Variants in CERCAM observed in about 807,000 individuals in gnomAD.
The protein encoded by CERCAM is inactive glycosyltransferase 25 family member 3.
A neutral mutation model predicts 66.0 loss-of-function variants in CERCAM; 59 were observed. The ratio of observed to expected loss-of-function variants is 0.89; its 90% CI spans 0.73 to 1.11. CERCAM has a LOEUF of 1.11. Ranked by LOEUF, CERCAM falls within the 50% of genes most tolerant of loss-of-function variation. The pLI is 0.00. For missense variants in CERCAM, 840 were observed against 828.3 expected, an observed-to-expected ratio of 1.01 and a Z score of -0.17; for synonymous variants, 318 against 343.6, an observed-to-expected ratio of 0.93 and a Z score of 0.83.
At chr9:128,436,140 C>T (rs1392346711) in intron 12 of CERCAM, among the ~76,000 whole-genome samples, 1 of 152,232 alleles carries the variant, frequency 6.6e-6, no homozygotes, top group Admixed American at 6.5e-5. Flanking sequence ...ACTGCAACCT[C>T]TGCCTCTCGG....
Position 128,434,321 on chromosome 9 carries a change from G to C in CERCAM, c.1332-89G>C. On this transcript the variant is annotated intron_variant, in intron 10 of 12. Transcript: ENST00000372838. The surrounding 1 kb of genome is among the most constrained non-coding windows in gnomAD (Gnocchi z 4.5). ...TGGGACCCTGGCCGGCCCATCCCCT[G>C]AGAGCCTGGCCCTGTAGGAGCGGGT... 1 of 1,602,854 alleles carries C rather than the reference G, an allele frequency of 6.2e-7. No homozygotes were observed. The highest frequency in any genetic ancestry group is 8.5e-7 in the Non-Finnish European group (1 of 1,172,788).
chr9:128,423,294 GAA>G, intron 3 of CERCAM, 31 bp downstream of exon 3: 1 of 1,564,274 alleles, frequency 6.4e-7, no homozygotes, highest in East Asian at 2.2e-5. Flanking sequence ...TCGGGCTTCT[GAA>G]AGGCGGTAGT....
rs763419441 is a variant in CERCAM, at chr9:128,428,981, G to C, written c.1015G>C (p.Ala339Pro). The C allele has an allele frequency of 3.1e-6, 5 of 1,611,156 alleles. No homozygotes were observed. The highest frequency in any genetic ancestry group is 2.5e-6 in the Non-Finnish European group (3 of 1,179,212). ...GCCTGACCGTCGGGAACGCATGCTCGCCTCGCTCTGGGAGATGGAGATCTC... is the reference window on the plus strand; with the variant it reads ...GCCTGACCGTCGGGAACGCATGCTCCCCTCGCTCTGGGAGATGGAGATCTC... ...RRPDRRERML[A>P]SLWEMEISGR... The change falls in exon 8 of 13, where the codon GCC (alanine) becomes CCC (proline). Residue 339 changes from alanine (A) to proline (P), a missense_variant. Transcript: ENST00000372838.
chr9:128,432,885 C>T (rs957137410), intron 9 of CERCAM, among the ~76,000 whole-genome samples: 5 of 151,712 alleles, frequency 3.3e-5, no homozygotes, highest in African/African-American at 1.2e-4. Flanking sequence ...CGGTGGCTCA[C>T]GCCTGTAATC....
At position 128,421,020 on chromosome 9, in the gene CERCAM, A is replaced by G; in HGVS notation, c.143A>G (p.His48Arg). The change falls in exon 1 of 13, where the codon CAC becomes CGC. Residue 48 changes from histidine (H) to arginine (R), a missense_variant. By Grantham distance (29) the His-to-Arg change is conservative. Transcript: ENST00000372838. ...CGCAATGCCGAACACTCGCTGCCCC[A>G]CTACCTGGGCGCTCTGGAGCGGCTG... ...LARNAEHSLP[H>R]YLGALERLDY... 6.9e-7 allele frequency: 1 copy of G among 1,444,864 alleles called. No individual in the cohort carries two copies. Among genetic ancestry groups the G allele is most frequent in the Non-Finnish European group, 9.1e-7 (1 of 1,097,492 alleles). The allele number at this position is 1,444,864 out of a possible 1,614,324, so 89.5% of individuals were successfully genotyped here.
At chr9:128,429,276 G>A (rs981749815) in intron 8 of CERCAM, among the ~76,000 whole-genome samples, 40 of 152,128 alleles carry the variant, frequency 2.6e-4, no homozygotes, top group South Asian at 2.1e-4. Context: ...CAGGGCCTGG[G>A]TTCCAGCTCT....
At chr9:128,425,583 C>G (rs1051890208) in intron 5 of CERCAM, among the ~76,000 whole-genome samples, 5 of 151,064 alleles carry the variant, frequency 3.3e-5, no homozygotes, top group African/African-American at 1.2e-4. Context: ...GTGATCTTGG[C>G]TCACTGCAAC....
At position 128,428,826 on chromosome 9, in the gene CERCAM, T is replaced by C. The variant is rs767841465; in HGVS notation, c.956T>C (p.Phe319Ser). The part of the protein sequence containing the change: ...RPSKRPSKIG[F>S]DEVFVISLAR... ...TCTAAGAGGCCCAGCAAGATAGGGT[T>C]TGACGAGGTAAGTCCCCCAGCCTGT... Residue 319 changes from phenylalanine to serine, a missense_variant, in exon 7 of 13, where the codon TTT becomes TCT. Transcript: ENST00000372838. The C allele has an allele frequency of 9.3e-6, 15 of 1,613,862 alleles. No homozygotes were observed. The highest frequency in any genetic ancestry group is 1.3e-5 in the Non-Finnish European group (15 of 1,179,980).
In CERCAM at chr9:128,434,547, C is replaced by G. The variant is rs1178873787; in HGVS notation, c.1469C>G (p.Ser490Ter). ...GCGGGTGCCCGCAAGCTGCTGGCCTCACAGCCTCTGCGCCGCATGCTGCCC... is the reference window on the plus strand; with the variant it reads ...GCGGGTGCCCGCAAGCTGCTGGCCTGACAGCCTCTGCGCCGCATGCTGCCC... Reference protein sequence around the residue: ...RLAGARKLLASQPLRRMLPVD... With the variant: ...RLAGARKLLA Residue 490 changes from serine to a stop codon, truncating the protein, a stop_gained, in exon 11 of 13, where the codon TCA becomes TGA. Coordinates refer to ENST00000372838, the MANE Select transcript of CERCAM (RefSeq NM_016174.5). LOFTEE classifies it high-confidence loss of function. The surrounding 1 kb of genome is among the most constrained non-coding windows in gnomAD (Gnocchi z 4.5). 3 of 1,612,162 alleles carry G rather than the reference C, an allele frequency of 1.9e-6. No individual in the cohort carries two copies. The highest frequency in any genetic ancestry group is 2.5e-6 in the Non-Finnish European group (3 of 1,179,772).
At chr9:128,424,643 T>C (rs774902044) in intron 5 of CERCAM, 29 bp downstream of exon 5, 4 of 1,600,822 alleles carry the variant, frequency 2.5e-6, no homozygotes, top group Non-Finnish European at 3.4e-6. Context: ...TTAGCATTCC[T>C]TGGAGGCCTC....
At chr9:128,435,942 A>G in intron 12 of CERCAM, 37 bp downstream of exon 12, 4 of 1,555,978 alleles carry the variant, frequency 2.6e-6, no homozygotes, top group Non-Finnish European at 3.5e-6. Context: ...AGCCCCGTAG[A>G]CCTTGGCTTG....
At position 128,434,536 on chromosome 9, in the gene CERCAM, G is replaced by A; in HGVS notation, c.1458G>A (p.Lys486=). ...AYALRLAGAR[K]LLASQPLRRM... ...CCCTGCGTCTGGCGGGTGCCCGCAA[G>A]CTGCTGGCCTCACAGCCTCTGCGCC... is the stretch of plus-strand genomic sequence containing the variant. Residue 486 remains lysine (K), a synonymous_variant, in exon 11 of 13, where the codon AAG becomes AAA. Coordinates refer to ENST00000372838, the MANE Select transcript of CERCAM (RefSeq NM_016174.5). This position sits in a 1 kb window ranked among gnomAD's most constrained non-coding sequence, Gnocchi z 4.5. 1 of 1,612,650 alleles carries A rather than the reference G, an allele frequency of 6.2e-7. No individual in the cohort carries two copies. Among genetic ancestry groups the A allele is most frequent in the Non-Finnish European group, 8.5e-7 (1 of 1,179,972 alleles).
rs1341330201 is a variant in CERCAM, at chr9:128,421,122, TCGCAGATGGCCCC to T, written c.197+52_197+64del. On this transcript the variant is annotated intron_variant, in intron 1 of 12. Transcript: ENST00000372838. ...CCGAGTGGGCACCTAACCCCCAGCT[TCGCAGATGGCCCC>T]CGCCCCCGGCGGCCCTGTCTGCTCG... The T allele has an allele frequency of 1.0e-5, 13 of 1,265,192 alleles. No homozygotes were observed. The Admixed American group carries it at 1.3e-4, about 12-fold the overall frequency. The allele number at this position is 1,265,192 out of a possible 1,614,324, so 78.4% of individuals were successfully genotyped here. A position where few individuals can be genotyped will look rare whatever the true frequency, so the allele number is the denominator to read the frequency against.
intron 7 of CERCAM, 26 bp from the exon 8 acceptor site, chr9:128,428,904 A>G (rs1564428544): frequency 1.2e-6 from 2 of 1,605,448 alleles, no homozygotes; most frequent in Middle Eastern, 1.7e-4. Context: ...CCTTGCACTT[A>G]CCGCCCACCC....
chr9:128,435,106 G>C, intron 11 of CERCAM, among the ~76,000 whole-genome samples: 1 of 152,102 alleles, frequency 6.6e-6, no homozygotes, highest in South Asian at 2.1e-4. Context: ...TGATTTTCCT[G>C]CCTCAGCCTC....
At chr9:128,430,532 A>G (rs1182227551) in intron 8 of CERCAM, among the ~76,000 whole-genome samples, 1 of 152,044 alleles carries the variant, frequency 6.6e-6, no homozygotes, top group Non-Finnish European at 1.5e-5. Context: ...GAGACACCAC[A>G]TCCCCCGAGG....
Position 128,424,474 on chromosome 9 carries a change from G to A in CERCAM, c.626G>A (p.Arg209His), listed in dbSNP as rs148040801. ...AACCGCCAGCGCCGGGGCTGCTTCC[G>A]TGTCCCCATGGTCCACTCCACCTTC... ...TKNRQRRGCFRVPMVHSTFLA... is the reference protein window; with the variant it reads ...TKNRQRRGCFHVPMVHSTFLA... Residue 209 changes from arginine to histidine, a missense_variant, in exon 5 of 13, where the codon CGT becomes CAT. Arg to His is a conservative substitution (Grantham distance 29). Coordinates refer to ENST00000372838, the MANE Select transcript of CERCAM (RefSeq NM_016174.5). 433 of 1,613,592 alleles carry A rather than the reference G, an allele frequency of 2.7e-4. 1 individual carries two copies. The highest frequency in any genetic ancestry group is 3.3e-4 in the Middle Eastern group (2 of 6,084).
intron 1 of CERCAM, chr9:128,421,439 A>G: frequency 1.9e-6 from 2 of 1,027,552 alleles, no homozygotes; most frequent in Non-Finnish European, 2.3e-6. Context: ...GAAGAGGAGC[A>G]GACAGGAACC....
chr9:128,430,648 A>G (rs568695176), intron 8 of CERCAM: 2 of 152,070 alleles, frequency 1.3e-5, no homozygotes, highest in Non-Finnish European at 2.9e-5. Context: ...GCAGCCCCCT[A>G]CCATCCCACC....
Sources: allele counts gnomAD v4.1 joint callset (sites outside exome capture counted in the v4.1 genomes callset), GRCh38; gene constraint gnomAD v4.1.1; non-coding constraint Gnocchi (gnomAD v3.1); transcripts MANE v1.5; gene names NCBI Gene and HGNC (gene_info 2026-07-23, HGNC 2026-07-21).